The following TPPP2 variants were observed in gnomAD, a reference collection of about 807,000 sequenced individuals.
TPPP2 encodes tubulin polymerization-promoting protein family member 2.
TPPP2 carries 8 observed loss-of-function variants against 13.0 expected under a neutral mutation model. That is an observed-to-expected ratio of 0.62 (90% CI 0.36 to 1.11). TPPP2 has a LOEUF of 1.11. Among genes scored for constraint, TPPP2 ranks in the 50% most tolerant of loss-of-function variants. The probability of loss-of-function intolerance (pLI) is 0.02; values close to 1 mark genes in which losing one functional copy is unlikely to be tolerated. For missense variants in TPPP2, 213 were observed against 216.9 expected (o/e 0.98, Z 0.11); for synonymous variants, 81 against 81.8 (o/e 0.99, Z 0.05).
chr14:21,031,408 G>A, intron 3 of TPPP2: 1 of 496,036 alleles, frequency 2.0e-6, no homozygotes. Context: ...ATCTGAGCCA[G>A]GCAATTAGGG....
intron 1 of TPPP2, chr14:21,024,774 C>T (rs1882897633): frequency 1.0e-6 from 1 of 985,592 alleles, no homozygotes; most frequent in Non-Finnish European, 1.2e-6. Context: ...CTACGCAGCC[C>T]GTCCGCGTGG....
upstream of TPPP2, among the ~76,000 whole-genome samples, chr14:21,029,948 C>T (rs535246094): frequency 1.2e-4 from 19 of 152,322 alleles, no homozygotes; most frequent in African/African-American, 4.3e-4. Flanking sequence ...ACTACAACAC[C>T]TTCCCTGGGC....
chr14:21,025,270 T>A (rs906738956), upstream of TPPP2: 2 of 896,802 alleles, frequency 2.2e-6, no homozygotes, highest in Non-Finnish European at 2.7e-6. The surrounding 1 kb of genome is among the most constrained non-coding windows in gnomAD (Gnocchi z 5.1). Flanking sequence ...GCTTCCAGGC[T>A]CTGCTCGGCT....
downstream of TPPP2, chr14:21,033,761 T>C (rs776872016): frequency 3.5e-6 from 4 of 1,127,852 alleles, no homozygotes; most frequent in African/African-American, 4.6e-5. Context: ...GGGATCAGAG[T>C]GTTGGAAATG....
chr14:21,032,561 A>C lies in TPPP2; in HGVS notation c.*484A>C, dbSNP rs1884295440. ...TCAGGTTTTTTGGGTGGAGGAGTAG[A>C]AGCCAGCTAAGGTTGCCTGACTTCT... On this transcript the variant is annotated 3_prime_UTR_variant, in exon 4 of 4. Transcript: ENST00000321760. 2.9e-6 allele frequency: 1 copy of C among 347,208 alleles called. No homozygotes were observed. Among genetic ancestry groups the C allele is most frequent in the Non-Finnish European group, 5.6e-6 (1 of 178,194 alleles). 21.5% of individuals were successfully genotyped at this position (347,208 alleles called of 1,614,324 possible).
downstream of TPPP2, chr14:21,033,842 G>C: frequency 6.2e-7 from 1 of 1,612,590 alleles, no homozygotes; most frequent in Non-Finnish European, 8.5e-7. Context: ...AGAGACCAGC[G>C]ATACCTATTG....
Position 21,031,160 on chromosome 14 carries a change from G to T in TPPP2, c.322G>T (p.Ala108Ser), listed in dbSNP as rs112271660. 3 of 1,613,282 alleles carry T rather than the reference G, an allele frequency of 1.9e-6. No individual in the cohort carries two copies. The highest frequency in any genetic ancestry group is 2.5e-6 in the Non-Finnish European group (3 of 1,179,692). Residue 108 changes from alanine to serine, a missense_variant, in exon 3 of 4, where the codon GCT becomes TCT. Transcript: ENST00000321760. The part of the protein sequence containing the change: ...MEGKDPATTG[A>S]TKATTVGAVD... ...GGGCAAAGACCCAGCCACCACTGGC[G>T]CTACTGTGAGTGACAGCCTTCATCC... is the stretch of plus-strand genomic sequence containing the variant.
At chr14:21,026,628 A>G (rs1191366965), upstream of TPPP2, among the ~76,000 whole-genome samples, 1 of 151,866 alleles carries the variant, frequency 6.6e-6, no homozygotes, top group Admixed American at 6.5e-5. Flanking sequence ...GAGGTGACCC[A>G]CAGTAGGAAA....
At chr14:21,034,083 G>C, downstream of TPPP2, 1 of 1,614,088 alleles carries the variant, frequency 6.2e-7, no homozygotes, top group African/African-American at 1.3e-5. Context: ...ATGGATCTTT[G>C]GGCAATCTGA....
rs200569869 is a variant in TPPP2 at position 21,032,098 on chromosome 14, T to C, written c.*21T>C. On this transcript the variant is annotated 3_prime_UTR_variant, in exon 4 of 4. Coordinates refer to ENST00000321760, the MANE Select transcript of TPPP2 (RefSeq NM_173846.5). ...AGTAGAGAGGAGCTTCATCTCAGCCTGCTAGCCCCCTGACCCTGCATGTTT... is the reference window on the plus strand; with the variant it reads ...AGTAGAGAGGAGCTTCATCTCAGCCCGCTAGCCCCCTGACCCTGCATGTTT... The C allele has an allele frequency of 6.2e-6, 10 of 1,607,444 alleles. No homozygotes were observed. In the Admixed American group the frequency reaches 1.7e-4, roughly 27 times the overall value.
chr14:21,027,291 G>C (rs1180326118), upstream of TPPP2, among the ~76,000 whole-genome samples: 2 of 152,186 alleles, frequency 1.3e-5, no homozygotes, highest in African/African-American at 2.4e-5. Flanking sequence ...CTTTCCCTTT[G>C]GCCAGAGCAG....
intron 3 of TPPP2, 29 bp from the exon 4 acceptor site, chr14:21,031,861 AAG>A: frequency 6.2e-7 from 1 of 1,605,350 alleles, no homozygotes; most frequent in Non-Finnish European, 8.5e-7. Context: ...TAAGGAAAGG[AAG>A]AGAGCTCAAA....
chr14:21,034,227 A>T (rs926250843), downstream of TPPP2: 6 of 1,614,154 alleles, frequency 3.7e-6, no homozygotes, highest in Non-Finnish European at 5.1e-6. Flanking sequence ...CTTGATGTCC[A>T]TGACCAGAGT....
In TPPP2 at chr14:21,032,050, TGGCACCTACGATAAGAAGACCAAGTA is replaced by T; in HGVS notation, c.488_513del (p.Gly163GlufsTer9). ...GCTATGTGAGTGGTTACAAGGGTTC[TGGCACCTACGATAAGAAGACCAAGTA>T]GAGAGGAGCTTCATCTCAGCCTGCT... On this transcript the variant is annotated frameshift_variant and stop_lost, in exon 4 of 4. Transcript: ENST00000321760. LOFTEE classifies it high-confidence loss of function. 6.2e-7 allele frequency: 1 copy of T among 1,614,066 alleles called. No individual in the cohort carries two copies.
chr14:21,034,013 G>C, downstream of TPPP2: 1 of 1,614,136 alleles, frequency 6.2e-7, no homozygotes, highest in Non-Finnish European at 8.5e-7. Context: ...AATTCTCACA[G>C]AAGCTGTCAC....
At chr14:21,033,842 G>A (rs779827802), downstream of TPPP2, 41 of 1,612,470 alleles carry the variant, frequency 2.5e-5, no homozygotes, top group Admixed American at 1.7e-4. Flanking sequence ...AGAGACCAGC[G>A]ATACCTATTG....
chr14:21,025,069 A>G lies in TPPP2; in HGVS notation n.236+725A>G. On this transcript the variant is annotated intron_variant and non_coding_transcript_variant, in intron 1 of 1. Coordinates refer to the TPPP2 transcript ENST00000533755. This position sits in a 1 kb window ranked among gnomAD's most constrained non-coding sequence, Gnocchi z 5.1. ...CCGCTTCCACCTTCACTTGCCTTTG[A>G]CTCGGGCCCGCCCCGGCTCGGGCTT... The G allele has an allele frequency of 2.0e-6, 2 of 983,456 alleles. No individual in the cohort carries two copies. The highest frequency in any genetic ancestry group is 4.7e-5 in the South Asian group (1 of 21,148). The allele number at this position is 983,456 out of a possible 1,614,324, so 60.9% of individuals were successfully genotyped here.
upstream of TPPP2, among the ~76,000 whole-genome samples, chr14:21,026,557 A>T (rs1275928743): frequency 1.4e-5 from 2 of 146,882 alleles, no homozygotes; most frequent in African/African-American, 2.5e-5. Context: ...AAGGAACATC[A>T]ATGCCCCTTT....
upstream of TPPP2, among the ~76,000 whole-genome samples, chr14:21,026,645 C>T (rs771531856): frequency 1.5e-4 from 23 of 152,010 alleles, no homozygotes; most frequent in African/African-American, 1.9e-4. Flanking sequence ...GAAAACTGGT[C>T]GGGCTAAAAC....
Sources: allele counts gnomAD v4.1 joint callset (sites outside exome capture counted in the v4.1 genomes callset), GRCh38; gene constraint gnomAD v4.1.1; non-coding constraint Gnocchi (gnomAD v3.1); transcripts MANE v1.5; gene names NCBI Gene and HGNC (gene_info 2026-07-23, HGNC 2026-07-21).